The following ERCC6L2 variants were observed in gnomAD, a reference collection of about 807,000 sequenced individuals.
ERCC6L2 encodes the protein ERCC excision repair 6 like 2.
A neutral mutation model predicts 132.0 loss-of-function variants in ERCC6L2; 77 were observed. That is an observed-to-expected ratio of 0.58 (90% CI 0.49 to 0.71). ERCC6L2 has a LOEUF of 0.71. Ranked by LOEUF, ERCC6L2 falls within the 30% of genes least tolerant of loss-of-function variation. The probability of loss-of-function intolerance (pLI) is 0.00; values close to 1 mark genes in which losing one functional copy is unlikely to be tolerated. For missense variants in ERCC6L2, 1,542 were observed against 1,837.6 expected (o/e 0.84, Z 2.94); for synonymous variants, 583 against 632.4 (o/e 0.92, Z 1.17).
intron 2 of ERCC6L2, among the ~76,000 whole-genome samples, chr9:95,885,300 A>G (rs1383385243): frequency 6.6e-6 from 1 of 152,228 alleles, no homozygotes; most frequent in Non-Finnish European, 1.5e-5. Flanking sequence ...GCAGACATTA[A>G]TACATTTTAT....
chr9:95,984,259 T>G (rs1209992081), intron 17 of ERCC6L2, among the ~76,000 whole-genome samples: 1 of 149,308 alleles, frequency 6.7e-6, no homozygotes, highest in East Asian at 1.9e-4. Flanking sequence ...TGTAACTACA[T>G]ACATGTATGT....
At chr9:95,955,054 T>A in intron 12 of ERCC6L2, 1 of 367,748 alleles carries the variant, frequency 2.7e-6, no homozygotes, top group South Asian at 2.0e-5. Flanking sequence ...CCTCAGCAAC[T>A]GTAACAGGCA....
intron 13 of ERCC6L2, among the ~76,000 whole-genome samples, chr9:95,959,109 A>G (rs1041583249): frequency 2.6e-5 from 4 of 152,126 alleles, no homozygotes; most frequent in South Asian, 2.1e-4. Flanking sequence ...TGGAGGCATC[A>G]TGCTACCTGA....
intron 13 of ERCC6L2, among the ~76,000 whole-genome samples, chr9:95,965,146 C>T (rs781680304): frequency 6.6e-5 from 10 of 151,808 alleles, no homozygotes; most frequent in Admixed American, 5.3e-4. Flanking sequence ...ATGAAGGTCC[C>T]GAGGGTTTTT....
At chr9:95,927,141 T>C (rs1434641834) in intron 9 of ERCC6L2, among the ~76,000 whole-genome samples, 1 of 152,152 alleles carries the variant, frequency 6.6e-6, no homozygotes, top group Non-Finnish European at 1.5e-5. Context: ...TACCATTTGA[T>C]AAATAAATTT....
intron 12 of ERCC6L2, among the ~76,000 whole-genome samples, chr9:95,953,416 A>G (rs1831438906): frequency 6.6e-6 from 1 of 152,026 alleles, no homozygotes; most frequent in Non-Finnish European, 1.5e-5. Context: ...CTCTACTAAA[A>G]ATACAAAAAA....
intron 2 of ERCC6L2, among the ~76,000 whole-genome samples, chr9:95,889,358 A>T (rs1160818774): frequency 1.3e-5 from 2 of 152,222 alleles, no homozygotes; most frequent in Non-Finnish European, 2.9e-5. Flanking sequence ...ATTTGATCTT[A>T]TATTACCTCA....
chr9:96,012,404 C>T lies in ERCC6L2; in HGVS notation c.3854C>T (p.Ser1285Phe). 2 of 1,361,096 alleles carry T rather than the reference C, an allele frequency of 1.5e-6. No homozygotes were observed. Among genetic ancestry groups the T allele is most frequent in the Non-Finnish European group, 9.8e-7 (1 of 1,016,786 alleles). 84.3% of individuals were successfully genotyped at this position (1,361,096 alleles called of 1,614,324 possible). A position where few individuals can be genotyped will look rare whatever the true frequency, so the allele number is the denominator to read the frequency against. ...VDSVSQFNNS[S>F]FEKGEQRTRK... ...TCTGTGTCACAATTCAACAATTCTT[C>T]CTTTGAGAAAGGAGAGCAGCGCACC... The change falls in exon 19 of 19, where the codon TCC (serine) becomes TTC (phenylalanine). Residue 1285 changes from serine (S) to phenylalanine (F), a missense_variant. Transcript: ENST00000653738.
intron 20 of ERCC6L2, among the ~76,000 whole-genome samples, chr9:96,040,137 A>G (rs574643843): frequency 3.2e-4 from 48 of 151,830 alleles, no homozygotes; most frequent in Non-Finnish European, 5.3e-4. Flanking sequence ...CTGGGTCTCC[A>G]AGAAACACAG....
At chr9:95,983,382 G>T (rs1246368576) in intron 17 of ERCC6L2, among the ~76,000 whole-genome samples, 4 of 152,196 alleles carry the variant, frequency 2.6e-5, no homozygotes, top group Non-Finnish European at 4.4e-5. Flanking sequence ...TGTTCCAATT[G>T]TATAGAAAAT....
At chr9:95,993,959 C>A (rs1735825191) in intron 17 of ERCC6L2, among the ~76,000 whole-genome samples, 1 of 152,184 alleles carries the variant, frequency 6.6e-6, no homozygotes. Context: ...CTCTGACCAG[C>A]TGGCTTTTCT....
At position 95,922,356 on chromosome 9, in the gene ERCC6L2, G is replaced by T. The variant is rs774224076; in HGVS notation, c.1351G>T (p.Val451Phe). The part of the protein sequence containing the change: ...VKTLYLSYLT[V>F]LQKVANHVAL... ...AACCTTGTATCTCAGTTACCTTACA[G>T]TCCTTCAGAAGGTAGCTAACCATGT... Residue 451 changes from valine to phenylalanine, a missense_variant, in exon 8 of 19, where the codon GTC becomes TTC. Val to Phe is a conservative substitution (Grantham distance 50, BLOSUM62 -1). Around this residue, in one of 4 missense-constraint regions of ERCC6L2, gnomAD observed 945 missense variants for 1,105.2 expected, o/e 0.86. Transcript: ENST00000653738. The T allele has an allele frequency of 6.2e-7, 1 of 1,613,544 alleles. No homozygotes were observed. Among genetic ancestry groups the T allele is most frequent in the South Asian group, 1.1e-5 (1 of 91,034 alleles).
chr9:96,035,270 T>A (rs561405889), intron 19 of ERCC6L2, among the ~76,000 whole-genome samples: 1 of 152,274 alleles, frequency 6.6e-6, no homozygotes, highest in East Asian at 1.9e-4. Flanking sequence ...GGCCAGGGAA[T>A]GCCTGAAGGC....
chr9:96,006,784 A>G (rs538702970), intron 18 of ERCC6L2, among the ~76,000 whole-genome samples: 1 of 152,314 alleles, frequency 6.6e-6, no homozygotes, highest in Admixed American at 6.5e-5. Context: ...CAATGAGTTG[A>G]GAACTGAAGC....
chr9:95,960,595 C>T (rs556018158), intron 13 of ERCC6L2, among the ~76,000 whole-genome samples: 9 of 152,164 alleles, frequency 5.9e-5, no homozygotes, highest in East Asian at 1.9e-4. Context: ...TGGCAGCCAC[C>T]GCAAGCTGGA....
intron 2 of ERCC6L2, among the ~76,000 whole-genome samples, chr9:95,894,744 G>T (rs1047357176): frequency 4.6e-5 from 7 of 151,864 alleles, no homozygotes; most frequent in African/African-American, 1.7e-4. Flanking sequence ...ACAGGCACAC[G>T]CCACCATGCC....
rs762364993 is a variant in ERCC6L2 at position 95,897,934 on chromosome 9, G to A, written c.557G>A (p.Ser186Asn). 1.2e-6 allele frequency: 2 copies of A among 1,611,582 alleles called. No homozygotes were observed. The highest frequency in any genetic ancestry group is 1.3e-5 in the African/African-American group (1 of 74,794). The change falls in exon 3 of 19, where the codon AGT (serine) becomes AAT (asparagine). Residue 186 changes from serine (S) to asparagine (N), a missense_variant. Coordinates refer to ENST00000653738, the MANE Select transcript of ERCC6L2 (RefSeq NM_020207.7). The stretch of plus-strand genomic sequence containing the variant: ...AACATGCCAGAGTTTTTACTAAGAA[G>A]TATGAAAAAGGAACCCCTTTCTTCT... The part of the protein sequence containing the change: ...ENNMPEFLLR[S>N]MKKEPLSSTA...
intron 18 of ERCC6L2, among the ~76,000 whole-genome samples, chr9:96,011,636 A>G (rs1448547252): frequency 6.6e-6 from 1 of 151,584 alleles, no homozygotes; most frequent in Non-Finnish European, 1.5e-5. Flanking sequence ...ATAGCATCTC[A>G]CTCCTTAGCT....
Position 96,030,366 on chromosome 9 carries a change from C to T in ERCC6L2, c.*1504-8510C>T, listed in dbSNP as rs1019962220. On this transcript the variant is annotated intron_variant and NMD_transcript_variant, in intron 19 of 20. Transcript: ENST00000670016. ...GCTGTGGAAGCTTTGTTCTTTCACTCTTCACAATAAATCTTGGTGTTGCTC... is the reference window on the plus strand; with the variant it reads ...GCTGTGGAAGCTTTGTTCTTTCACTTTTCACAATAAATCTTGGTGTTGCTC... Among the ~76,000 whole-genome samples, 10 of 152,256 alleles carry T rather than the reference C, an allele frequency of 6.6e-5. No homozygotes were observed. The East Asian group carries it at 1.7e-3, about 27-fold the overall frequency.
Sources: allele counts gnomAD v4.1 joint callset (sites outside exome capture counted in the v4.1 genomes callset), GRCh38; gene constraint gnomAD v4.1.1; regional missense constraint gnomAD v4.1.1; transcripts MANE v1.5; gene names NCBI Gene and HGNC (gene_info 2026-07-23, HGNC 2026-07-21).